Variants in KCNIP1 observed in about 807,000 individuals in gnomAD.
KCNIP1 encodes the protein A-type potassium channel modulatory protein KCNIP1.
Under a neutral mutation model 33.0 loss-of-function variants are expected in KCNIP1, and 18 were observed. The ratio of observed to expected loss-of-function variants is 0.55; its 90% CI spans 0.38 to 0.81. The LOEUF is 0.81. KCNIP1 is among the 30% of genes least tolerant of loss of function. The pLI is 0.00. For synonymous variants in KCNIP1, 93 were observed against 98.3 expected, an observed-to-expected ratio of 0.95 and a Z score of 0.32; for missense variants, 238 against 271.6, an observed-to-expected ratio of 0.88 and a Z score of 0.87.
intron 1 of KCNIP1, among the ~76,000 whole-genome samples, chr5:170,715,437 C>A (rs1561780425): frequency 6.6e-6 from 1 of 152,176 alleles, no homozygotes; most frequent in African/African-American, 2.4e-5. Context: ...TCAGAAGAGT[C>A]TATGATCCCA....
chr5:170,722,704 C>T lies in KCNIP1; in HGVS notation c.328-9C>T. On this transcript the variant is annotated splice_polypyrimidine_tract_variant and intron_variant, in intron 4 of 7. Coordinates refer to ENST00000328939, the MANE Select transcript of KCNIP1 (RefSeq NM_014592.4). ...TGGTTAATGTCACTCTGCCTTTTCC[C>T]CTTCTCAGGACTTTGTAACCGCTCT... is the stretch of plus-strand genomic sequence containing the variant. 6.3e-7 allele frequency: 1 copy of T among 1,590,856 alleles called. No homozygotes were observed. Among genetic ancestry groups the T allele is most frequent in the Non-Finnish European group, 8.6e-7 (1 of 1,158,950 alleles).
intron 1 of KCNIP1, among the ~76,000 whole-genome samples, chr5:170,454,363 T>C (rs768394907): frequency 9.9e-5 from 15 of 152,196 alleles, no homozygotes; most frequent in Non-Finnish European, 1.9e-4. Flanking sequence ...TTCCAAGTGA[T>C]AATGAGCAAT....
chr5:170,637,597 G>A (rs572908569), intron 1 of KCNIP1, among the ~76,000 whole-genome samples: 1 of 152,208 alleles, frequency 6.6e-6, no homozygotes, highest in South Asian at 2.1e-4. Flanking sequence ...CTGCCTCAAG[G>A]CCTTTGCTCA....
intron 1 of KCNIP1, among the ~76,000 whole-genome samples, chr5:170,456,843 C>G (rs35243222): frequency 6.6e-6 from 1 of 151,876 alleles, no homozygotes; most frequent in East Asian, 1.9e-4. Context: ...CTCAGACTCT[C>G]GAGTAGCTGG....
At chr5:170,499,363 A>G (rs2113219493), upstream of KCNIP1, among the ~76,000 whole-genome samples, 1 of 152,354 alleles carries the variant, frequency 6.6e-6, no homozygotes, top group South Asian at 2.1e-4. Flanking sequence ...GTCCACCTTC[A>G]ATAATGGGCC....
intron 1 of KCNIP1, among the ~76,000 whole-genome samples, chr5:170,548,483 T>A (rs184513299): frequency 2.6e-4 from 40 of 152,316 alleles, no homozygotes; most frequent in African/African-American, 9.1e-4. Flanking sequence ...TTTTAATAAC[T>A]CAAGAGAGGT....
chr5:170,736,613 ACTATTTCTTACACT>A lies in KCNIP1; in HGVS notation c.*810_*823del, dbSNP rs2113906679. 6.6e-6 allele frequency: 1 copy of A among 152,294 alleles called. No individual in the cohort carries two copies. Among genetic ancestry groups the A allele is most frequent in the Admixed American group, 6.5e-5 (1 of 15,296 alleles). The allele number at this position is 152,294 out of a possible 1,614,324, so 9.4% of individuals were successfully genotyped here. On this transcript the variant is annotated 3_prime_UTR_variant, in exon 8 of 8. Coordinates refer to ENST00000328939, the MANE Select transcript of KCNIP1 (RefSeq NM_014592.4). ...TACCATGTTCTAACCAATAAACAGA[ACTATTTCTTACACT>A]CTCAATCACTTCTTCATGACTCCGT...
At chr5:170,474,887 C>A (rs540611757) in intron 1 of KCNIP1, among the ~76,000 whole-genome samples, 6 of 152,194 alleles carry the variant, frequency 3.9e-5, no homozygotes, top group Admixed American at 1.3e-4. Flanking sequence ...AACAAACCCC[C>A]CACCGCGTAG....
In KCNIP1 at chr5:170,474,678, G is replaced by A. The variant is rs958516607; in HGVS notation, c.88+120714G>A. ...GATGAATAAACGGAGGTTCAGAGAGGGTAAGTGACTTGTCCAAGGTCACAC... is the reference window on the plus strand; with the variant it reads ...GATGAATAAACGGAGGTTCAGAGAGAGTAAGTGACTTGTCCAAGGTCACAC... On this transcript the variant is annotated intron_variant, in intron 1 of 7. Coordinates refer to the KCNIP1 transcript ENST00000377360. Among the ~76,000 whole-genome samples the A allele has an allele frequency of 9.9e-5, 15 of 152,224 alleles. No individual in the cohort carries two copies. The East Asian group carries it at 1.5e-3, about 16-fold the overall frequency.
At chr5:170,461,141 C>T (rs964195757) in intron 1 of KCNIP1, among the ~76,000 whole-genome samples, 5 of 152,138 alleles carry the variant, frequency 3.3e-5, no homozygotes, top group African/African-American at 4.8e-5. Flanking sequence ...CTACAAAACA[C>T]TGCTGAAAGA....
intron 1 of KCNIP1, among the ~76,000 whole-genome samples, chr5:170,419,573 A>G (rs1186474435): frequency 6.6e-6 from 1 of 152,248 alleles, no homozygotes; most frequent in East Asian, 1.9e-4. Context: ...ATAGAAGAGA[A>G]AGTCACCATC....
chr5:170,683,587 G>A (rs1163536358), intron 1 of KCNIP1, among the ~76,000 whole-genome samples: 1 of 152,134 alleles, frequency 6.6e-6, no homozygotes, highest in Non-Finnish European at 1.5e-5. Flanking sequence ...GAGTACTAAA[G>A]AGAGAATACC....
At chr5:170,557,254 C>A (rs4867977) in intron 1 of KCNIP1, among the ~76,000 whole-genome samples, 1 of 152,202 alleles carries the variant, frequency 6.6e-6, no homozygotes, top group Non-Finnish European at 1.5e-5. Flanking sequence ...GGACTTGGCA[C>A]ATGGTGAGTG....
chr5:170,645,495 G>A (rs1760749732), intron 1 of KCNIP1, among the ~76,000 whole-genome samples: 1 of 152,088 alleles, frequency 6.6e-6, no homozygotes, highest in African/African-American at 2.4e-5. Context: ...ATAAATGCAA[G>A]GAGGAATACA....
chr5:170,466,833 A>C (rs1756618981), intron 1 of KCNIP1, among the ~76,000 whole-genome samples: 1 of 152,138 alleles, frequency 6.6e-6, no homozygotes, highest in Non-Finnish European at 1.5e-5. Context: ...TAGTACCATC[A>C]CCTTGAGGGT....
intron 1 of KCNIP1, among the ~76,000 whole-genome samples, chr5:170,599,042 C>G (rs1414315115): frequency 6.6e-6 from 1 of 151,952 alleles, no homozygotes; most frequent in Non-Finnish European, 1.5e-5. Flanking sequence ...TCTCAATATC[C>G]TGTGCAGACC....
chr5:170,385,580 GTTTATATT>G, intron 1 of KCNIP1: 1 of 1,027,184 alleles, frequency 9.7e-7, no homozygotes, highest in Non-Finnish European at 1.4e-6. Flanking sequence ...TATCACTCTT[GTTTATATT>G]TGGAGCTTTG....
chr5:170,569,647 G>T (rs561053545), intron 1 of KCNIP1, among the ~76,000 whole-genome samples: 2 of 152,314 alleles, frequency 1.3e-5, no homozygotes, highest in African/African-American at 4.8e-5. Flanking sequence ...GGGAGGCTGA[G>T]GTAGGAGGAT....
intron 1 of KCNIP1, among the ~76,000 whole-genome samples, chr5:170,669,938 T>A (rs1761851032): frequency 6.6e-6 from 1 of 152,230 alleles, no homozygotes. Context: ...TTCCACTGAC[T>A]TTTTTATTCC....
Sources: allele counts gnomAD v4.1 joint callset (sites outside exome capture counted in the v4.1 genomes callset), GRCh38; gene constraint gnomAD v4.1.1; transcripts MANE v1.5; gene names NCBI Gene and HGNC (gene_info 2026-07-23, HGNC 2026-07-21).